Variants in LAP3 observed in about 807,000 individuals in gnomAD.
LAP3 encodes the protein leucine aminopeptidase 3.
In LAP3, 46 loss-of-function variants were observed where a neutral mutation model predicts 58.8. The ratio of observed to expected loss-of-function variants is 0.78; its 90% CI spans 0.62 to 1.00. The LOEUF (loss-of-function observed/expected upper bound fraction) is 1.00, where lower values mean the gene tolerates loss of function less well. Among genes scored for constraint, LAP3 ranks in the 50% least tolerant of loss-of-function variants. The pLI is 0.00. For synonymous variants in LAP3, 257 were observed against 237.7 expected (o/e 1.08, Z -0.75); for missense variants, 615 against 659.1 (o/e 0.93, Z 0.73).
Position 17,597,307 on chromosome 4 carries a change from G to A in LAP3, c.1077+173G>A, listed in dbSNP as rs549511093. On this transcript the variant is annotated intron_variant, in intron 9 of 12. Transcript: ENST00000226299. ...CTTCCCTTTCCTGAAATGGGGTCTCGCTGCATCACCCAGGCTGTAGTGCAG... is the reference window on the plus strand; with the variant it reads ...CTTCCCTTTCCTGAAATGGGGTCTCACTGCATCACCCAGGCTGTAGTGCAG... Among the ~76,000 whole-genome samples the A allele has an allele frequency of 5.3e-5, 8 of 152,218 alleles. No individual in the cohort carries two copies. The South Asian group carries it at 1.7e-3, about 32-fold the overall frequency.
At chr4:17,603,123 C>T (rs981184417) in intron 10 of LAP3, among the ~76,000 whole-genome samples, 32 of 151,558 alleles carry the variant, frequency 2.1e-4, no homozygotes, top group African/African-American at 6.5e-4. Flanking sequence ...CTGGCTAACA[C>T]GGTGAAACCC....
chr4:17,584,625 G>A (rs1204998212), intron 5 of LAP3, among the ~76,000 whole-genome samples: 1 of 152,142 alleles, frequency 6.6e-6, no homozygotes, highest in Admixed American at 6.5e-5. Context: ...AGAACAAAAC[G>A]GGCTTTTCTG....
rs770967060 is a variant in LAP3, at chr4:17,583,617, G to A, written c.514G>A (p.Ala172Thr). Residue 172 changes from alanine to threonine, a missense_variant, in exon 5 of 13, where the codon GCT becomes ACT. Physicochemically the swap from Ala to Thr is moderately conservative, Grantham distance 58 (BLOSUM62 0). Coordinates refer to ENST00000226299, the MANE Select transcript of LAP3 (RefSeq NM_015907.3). ...YDDLKQKKKM[A>T]VSAKLYGSGD... ...TGACCTAAAGCAAAAAAAGAAGATG[G>A]CTGTGTCGGCAAAGCTCTATGGAAG... 2.9e-5 allele frequency: 46 copies of A among 1,613,936 alleles called. No homozygotes were observed. In the South Asian group the frequency reaches 4.6e-4, roughly 16 times the overall value.
At chr4:17,596,943 C>T (rs1713845027) in intron 8 of LAP3, 103 bp from the exon 9 acceptor site, 1 of 961,064 alleles carries the variant, frequency 1.0e-6, no homozygotes, top group African/African-American at 1.6e-5. Context: ...TTAAGGTGGC[C>T]TTTGTGTCTT....
chr4:17,584,838 G>T (rs1055393358), intron 5 of LAP3, 134 bp from the exon 6 acceptor site: 6 of 811,154 alleles, frequency 7.4e-6, no homozygotes, highest in Non-Finnish European at 1.1e-5. Context: ...ATGAATCCAG[G>T]TCCTGTGTGC....
Position 17,607,754 on chromosome 4 carries a change from A to T in LAP3, c.*165A>T, listed in dbSNP as rs1015952544. 3.8e-6 allele frequency: 2 copies of T among 528,296 alleles called. No homozygotes were observed. Among genetic ancestry groups the T allele is most frequent in the Non-Finnish European group, 6.6e-6 (2 of 304,898 alleles). The allele number at this position is 528,296 out of a possible 1,614,324, so 32.7% of individuals were successfully genotyped here. On this transcript the variant is annotated 3_prime_UTR_variant, in exon 13 of 13. Coordinates refer to ENST00000226299, the MANE Select transcript of LAP3 (RefSeq NM_015907.3). ...CCTTGATTTTTTTTTCATTTCACAC[A>T]AAGATTTATAAAGGTAAAGTTAATA...
At chr4:17,595,641 A>AT in intron 8 of LAP3, 107 bp downstream of exon 8, 1 of 1,297,656 alleles carries the variant, frequency 7.7e-7, no homozygotes, top group Non-Finnish European at 1.1e-6. Context: ...ATAAGAAATG[A>AT]TTTTTAAATA....
Position 17,583,547 on chromosome 4 carries a change from T to A in LAP3, c.444T>A (p.Ala148=). Residue 148 remains alanine (A), a synonymous_variant, in exon 5 of 13, where the codon GCT becomes GCA. Coordinates refer to ENST00000226299, the MANE Select transcript of LAP3 (RefSeq NM_015907.3). ...SSVEVDPCGD[A]QAAAEGAVLG... ...TGGAGGTGGATCCCTGTGGAGACGC[T>A]CAGGCTGCTGCGGAGGGAGCGGTGC... 1 of 1,614,132 alleles carries A rather than the reference T, an allele frequency of 6.2e-7. No individual in the cohort carries two copies. The highest frequency in any genetic ancestry group is 8.5e-7 in the Non-Finnish European group (1 of 1,180,022).
chr4:17,600,107 A>T (rs992071723), intron 10 of LAP3, among the ~76,000 whole-genome samples: 1 of 152,162 alleles, frequency 6.6e-6, no homozygotes, highest in African/African-American at 2.4e-5. Context: ...TCTTCCTAGT[A>T]ATTCATCCTG....
chr4:17,600,320 T>TCA (rs1713950928), intron 10 of LAP3, among the ~76,000 whole-genome samples: 1 of 152,020 alleles, frequency 6.6e-6, no homozygotes, highest in African/African-American at 2.4e-5. Flanking sequence ...AGAGTTTTTT[T>TCA]TCAAAGCTGG....
rs1472342720 is a variant in LAP3 at position 17,577,255 on chromosome 4, A to T, written c.-211A>T. On this transcript the variant is annotated 5_prime_UTR_variant, in exon 1 of 13. The change abolishes the stop of an existing upstream ORF in the 5' untranslated region. Transcript: ENST00000226299. ...GCACACGAATGCGGGCGCACCCTTG[A>T]GTCCCCTCCACAACCGCGGTTTGAT... 4.0e-5 allele frequency: 6 copies of T among 148,726 alleles called. No homozygotes were observed. The highest frequency in any genetic ancestry group is 5.6e-5 in the Non-Finnish European group (5 of 89,312). The allele number at this position is 148,726 out of a possible 1,614,324, so 9.2% of individuals were successfully genotyped here.
chr4:17,600,411 G>A (rs976046513), intron 10 of LAP3, among the ~76,000 whole-genome samples: 3 of 137,032 alleles, frequency 2.2e-5, no homozygotes, highest in East Asian at 2.0e-4. Flanking sequence ...TTCTAGGGTG[G>A]GGGGTTGGGG....
chr4:17,599,074 T>C (rs1023619953), intron 10 of LAP3, among the ~76,000 whole-genome samples: 7 of 151,928 alleles, frequency 4.6e-5, no homozygotes, highest in African/African-American at 1.7e-4. Context: ...GGTTTAACCA[T>C]GTTGGCCGGG....
At chr4:17,607,159 G>T (rs1209517821) in intron 12 of LAP3, among the ~76,000 whole-genome samples, 1 of 152,154 alleles carries the variant, frequency 6.6e-6, no homozygotes, top group Non-Finnish European at 1.5e-5. Flanking sequence ...AAATGGTAAG[G>T]GAAAGAGATG....
At chr4:17,605,733 C>T (rs1371495155) in intron 11 of LAP3, among the ~76,000 whole-genome samples, 1 of 152,154 alleles carries the variant, frequency 6.6e-6, no homozygotes, top group Non-Finnish European at 1.5e-5. Context: ...TCTCCTCTGG[C>T]CTCCCACATA....
At chr4:17,585,831 C>T (rs747901254) in intron 6 of LAP3, 5 of 152,196 alleles carry the variant, frequency 3.3e-5, no homozygotes, top group Non-Finnish European at 7.3e-5. Context: ...TCCCTGTTTC[C>T]CATTCCCTAA....
At chr4:17,580,097 A>G (rs888806535) in intron 2 of LAP3, among the ~76,000 whole-genome samples, 158 bp downstream of exon 2, 1 of 140,994 alleles carries the variant, frequency 7.1e-6, no homozygotes, top group African/African-American at 2.7e-5. Flanking sequence ...TCCTGGGTTC[A>G]GGTGGTTCTC....
chr4:17,606,676 T>G (rs2058336), intron 11 of LAP3, among the ~76,000 whole-genome samples, 153 bp from the exon 12 acceptor site: 1 of 152,068 alleles, frequency 6.6e-6, no homozygotes, highest in African/African-American at 2.4e-5. Context: ...AATCTTTTAA[T>G]GAGTGGACAC....
intron 7 of LAP3, among the ~76,000 whole-genome samples, chr4:17,589,970 T>C (rs1357026149): frequency 1.3e-5 from 2 of 152,214 alleles, no homozygotes; most frequent in Non-Finnish European, 2.9e-5. Context: ...TGTATCTGGT[T>C]ATTTCAGCCA....
Sources: gnomAD v4.1 joint callset for allele counts (sites outside exome capture counted in the v4.1 genomes callset) on GRCh38, gnomAD v4.1.1 for gene constraint, MANE v1.5 for transcripts, NCBI Gene and HGNC (gene_info 2026-07-23, HGNC 2026-07-21) for gene names.